The following TOB2 variants were observed in gnomAD, a reference collection of about 807,000 sequenced individuals.
TOB2 encodes the protein protein Tob2.
A neutral mutation model predicts 17.3 loss-of-function variants in TOB2; 3 were observed. That is an observed-to-expected ratio of 0.17 (90% CI 0.08 to 0.45). The LOEUF (loss-of-function observed/expected upper bound fraction) is 0.45. TOB2 is among the 20% of genes least tolerant of loss of function. TOB2 has a pLI of 0.99. For missense variants in TOB2, 407 were observed against 445.7 expected (o/e 0.91, Z 0.78); for synonymous variants, 163 against 185.6 (o/e 0.88, Z 0.99).
intron 1 of TOB2, 125 bp from the exon 2 acceptor site, chr22:41,437,532 T>A: frequency 8.6e-7 from 1 of 1,167,522 alleles, no homozygotes; most frequent in Non-Finnish European, 1.2e-6. Context: ...GCCCCACCAG[T>A]GGCTCATGTC....
At position 41,436,840 on chromosome 22, in the gene TOB2, C is replaced by T. The variant is rs61756341; in HGVS notation, c.506G>A (p.Arg169His). The T allele has an allele frequency of 1.1e-3, 1,816 of 1,613,940 alleles. 7 individuals are homozygous for T. Among genetic ancestry groups the T allele is most frequent in the Middle Eastern group, 4.5e-3 (27 of 6,060 alleles). The stretch of plus-strand genomic sequence containing the variant: ...GGTGAAGGTGATGGGCTGAGCGGAG[C>T]GGGGAATGAAGGTAGGGCTGGGTGA... ...GQSPSPTFIP[R>H]SAQPITFTTA... Residue 169 changes from arginine (R) to histidine (H), a missense_variant, in exon 2 of 2, where the codon CGC becomes CAC. Coordinates refer to ENST00000327492, the MANE Select transcript of TOB2 (RefSeq NM_016272.4). The surrounding 1 kb of genome is among the most constrained non-coding windows in gnomAD (Gnocchi z 4.8).
At position 41,436,925 on chromosome 22, in the gene TOB2, C is replaced by A. The variant is rs772304243; in HGVS notation, c.421G>T (p.Val141Leu). The A allele has an allele frequency of 1.2e-6, 2 of 1,614,160 alleles. No homozygotes were observed. Among genetic ancestry groups the A allele is most frequent in the Admixed American group, 1.7e-5 (1 of 60,014 alleles). The change falls in exon 2 of 2, where the codon GTG (valine) becomes TTG (leucine). Residue 141 changes from valine to leucine, a missense_variant. Val to Leu is a conservative substitution (Grantham distance 32). Coordinates refer to ENST00000327492, the MANE Select transcript of TOB2 (RefSeq NM_016272.4). The surrounding 1 kb of genome is among the most constrained non-coding windows in gnomAD (Gnocchi z 4.8). ...SSFNPDAQVF[V>L]PIGSQDSSLS... is the part of the protein sequence containing the mutation. ...GAGCTGTCCTGGCTGCCAATGGGCA[C>A]GAACACCTGGGCGTCAGGGTTGAAG...
chr22:41,442,313 T>A (rs2037629398), intron 1 of TOB2, among the ~76,000 whole-genome samples: 1 of 152,158 alleles, frequency 6.6e-6, no homozygotes, highest in African/African-American at 2.4e-5. Context: ...TTTCTAAGCC[T>A]CCTCAAACCT....
In TOB2 at chr22:41,436,902, G is replaced by C. The variant is rs777647960; in HGVS notation, c.444C>G (p.Ser148Arg). 7.4e-6 allele frequency: 12 copies of C among 1,614,214 alleles called. No homozygotes were observed. The change falls in exon 2 of 2, where the codon AGC becomes AGG. Residue 148 changes from serine (S) to arginine (R), a missense_variant. By Grantham distance (110) the Ser-to-Arg change is moderately radical. Coordinates refer to ENST00000327492, the MANE Select transcript of TOB2 (RefSeq NM_016272.4). The surrounding 1 kb of genome is among the most constrained non-coding windows in gnomAD (Gnocchi z 4.8). ...ATGGCGATGGGGAGTTGGACAGGGA[G>C]CTGTCCTGGCTGCCAATGGGCACGA... is the stretch of plus-strand genomic sequence containing the variant. ...QVFVPIGSQD[S>R]SLSNSPSPSF...
intron 1 of TOB2, among the ~76,000 whole-genome samples, chr22:41,440,896 T>TG (rs1266380612): frequency 6.6e-6 from 1 of 151,184 alleles, no homozygotes; most frequent in Non-Finnish European, 1.5e-5. Flanking sequence ...TATGTAGAGA[T>TG]GGGGTTTTGC....
intron 1 of TOB2, among the ~76,000 whole-genome samples, chr22:41,445,411 G>C (rs2037672860): frequency 6.6e-6 from 1 of 152,210 alleles, no homozygotes; most frequent in Non-Finnish European, 1.5e-5. Flanking sequence ...GAAAGCAATA[G>C]GATTGTTTTT....
Position 41,437,092 on chromosome 22 carries a change from T to G in TOB2, c.254A>C (p.Asn85Thr). 1 of 1,614,116 alleles carries G rather than the reference T, an allele frequency of 6.2e-7. No homozygotes were observed. The highest frequency in any genetic ancestry group is 1.1e-5 in the South Asian group (1 of 91,088). Reference sequence around the variant, plus strand: ...CCAGACACTCAGCTCCTCAGGCACATTGGCCCGCACATCTTCCACCGCCAG... The same window carrying G: ...CCAGACACTCAGCTCCTCAGGCACAGTGGCCCGCACATCTTCCACCGCCAG... ...SGLAVEDVRA[N>T]VPEELSVWID... The change falls in exon 2 of 2, where the codon AAT (asparagine) becomes ACT (threonine). Residue 85 changes from asparagine to threonine, a missense_variant. By Grantham distance (65) the Asn-to-Thr change is moderately conservative (BLOSUM62 0). Coordinates refer to ENST00000327492, the MANE Select transcript of TOB2 (RefSeq NM_016272.4).
chr22:41,437,084 C>T lies in TOB2; in HGVS notation c.262G>A (p.Glu88Lys). ...AVEDVRANVP[E>K]ELSVWIDPFE... Reference sequence around the variant, plus strand: ...GGATCAATCCAGACACTCAGCTCCTCAGGCACATTGGCCCGCACATCTTCC... The same window carrying T: ...GGATCAATCCAGACACTCAGCTCCTTAGGCACATTGGCCCGCACATCTTCC... Residue 88 changes from glutamate to lysine, a missense_variant, in exon 2 of 2, where the codon GAG (glutamate) becomes AAG (lysine). Physicochemically the swap from Glu to Lys is moderately conservative, Grantham distance 56 (BLOSUM62 1). Transcript: ENST00000327492. The T allele has an allele frequency of 6.2e-7, 1 of 1,614,182 alleles. No homozygotes were observed. Among genetic ancestry groups the T allele is most frequent in the Non-Finnish European group, 8.5e-7 (1 of 1,180,032 alleles).
At chr22:41,437,516 A>C in intron 1 of TOB2, 109 bp from the exon 2 acceptor site, 1 of 1,336,260 alleles carries the variant, frequency 7.5e-7, no homozygotes, top group Non-Finnish European at 9.9e-7. Context: ...CCAGGAGCCT[A>C]TTTCTGCCCC....
chr22:41,435,158 T>G lies in TOB2; in HGVS notation c.*1153A>C, dbSNP rs2037531513. On this transcript the variant is annotated 3_prime_UTR_variant, in exon 2 of 2. Transcript: ENST00000327492. ...AACAGGAGGGTTGAAGTCCAGGGAC[T>G]TCTCATAGGCATCAGGGGCTTGGGT... The G allele has an allele frequency of 6.6e-6, 1 of 152,388 alleles. No homozygotes were observed. Among genetic ancestry groups the G allele is most frequent in the African/African-American group, 2.4e-5 (1 of 41,446 alleles). 9.4% of individuals were successfully genotyped at this position (152,388 alleles called of 1,614,324 possible).
At chr22:41,438,976 A>G (rs2037585597) in intron 1 of TOB2, among the ~76,000 whole-genome samples, 1 of 152,212 alleles carries the variant, frequency 6.6e-6, no homozygotes, top group Non-Finnish European at 1.5e-5. Flanking sequence ...AGGCAGCCCA[A>G]GATAAACACC....
In TOB2 at chr22:41,439,479, TTACGTATGTATG is replaced by T. The variant is rs1427605751; in HGVS notation, c.-62-2084_-62-2073del. ...AAGGGGCATTTAATTTAATTTAATT[TTACGTATGTATG>T]TATGTATGTATGTATGTATGTATGT... On this transcript the variant is annotated intron_variant, in intron 1 of 1. Transcript: ENST00000327492. Among the ~76,000 whole-genome samples the T allele has an allele frequency of 3.6e-5, 5 of 140,106 alleles. No homozygotes were observed. The East Asian group carries it at 8.1e-4, about 23-fold the overall frequency. 91.9% of individuals were successfully genotyped at this position (140,106 alleles called of 152,430 possible). A position where few individuals can be genotyped will look rare whatever the true frequency, so the allele number is the denominator to read the frequency against.
At position 41,436,401 on chromosome 22, in the gene TOB2, C is replaced by T. The variant is rs147107917; in HGVS notation, c.945G>A (p.Glu315=). The T allele has an allele frequency of 5.0e-5, 81 of 1,614,028 alleles. No homozygotes were observed. The highest frequency in any genetic ancestry group is 3.6e-5 in the Non-Finnish European group (43 of 1,179,998). Residue 315 remains glutamate, a synonymous_variant, in exon 2 of 2, where the codon GAG becomes GAA. Coordinates refer to ENST00000327492, the MANE Select transcript of TOB2 (RefSeq NM_016272.4). This position sits in a 1 kb window ranked among gnomAD's most constrained non-coding sequence, Gnocchi z 4.8. ...TGAGGCCTTCCACAAAGGGTGTCTT[C>T]TCCAGGAAGAGGCTGTTGGCACCAC... ...FGGGANSLFL[E]KTPFVEGLSY...
chr22:41,444,188 C>T (rs567607251), intron 1 of TOB2, among the ~76,000 whole-genome samples: 2 of 152,276 alleles, frequency 1.3e-5, no homozygotes, highest in East Asian at 3.9e-4. Flanking sequence ...TGGTGAGACA[C>T]GGGATCCGCC....
chr22:41,446,634 G>T lies in TOB2; in HGVS notation c.-318C>A. On this transcript the variant is annotated 5_prime_UTR_variant, in exon 1 of 2. Transcript: ENST00000327492. ...CCCGAGGGCGGGCGGGCGGACTAGC[G>T]GCGACGACGCGGGGATGGCGGATCG... The T allele has an allele frequency of 6.5e-6, 1 of 152,820 alleles. No homozygotes were observed. The highest frequency in any genetic ancestry group is 1.8e-4 in the South Asian group (1 of 5,514). The allele number at this position is 152,820 out of a possible 1,614,324, so 9.5% of individuals were successfully genotyped here.
At chr22:41,440,324 G>A (rs886747555) in intron 1 of TOB2, among the ~76,000 whole-genome samples, 9 of 149,954 alleles carry the variant, frequency 6.0e-5, no homozygotes, top group South Asian at 2.1e-4. Flanking sequence ...TCCCCATGTT[G>A]GCCAGGATGG....
intron 1 of TOB2, among the ~76,000 whole-genome samples, chr22:41,439,864 G>C (rs2037594392): frequency 6.6e-6 from 1 of 152,146 alleles, no homozygotes. Flanking sequence ...TTTCTGGGGT[G>C]AATGTATCAG....
At chr22:41,441,709 C>T (rs1239263963) in intron 1 of TOB2, among the ~76,000 whole-genome samples, 1 of 151,832 alleles carries the variant, frequency 6.6e-6, no homozygotes, top group African/African-American at 2.4e-5. Flanking sequence ...GTCAGGAGTC[C>T]GAGACCAGCC....
intron 1 of TOB2, 101 bp downstream of exon 1, chr22:41,446,278 G>C (rs1374295867): frequency 6.5e-6 from 1 of 153,014 alleles, no homozygotes; most frequent in Non-Finnish European, 1.5e-5. Context: ...CAGCAACGTG[G>C]AGAGTCCAGC....
Sources: gnomAD v4.1 joint callset for allele counts (sites outside exome capture counted in the v4.1 genomes callset) on GRCh38, gnomAD v4.1.1 for gene constraint, Gnocchi (gnomAD v3.1) non-coding constraint, MANE v1.5 for transcripts, NCBI Gene and HGNC (gene_info 2026-07-23, HGNC 2026-07-21) for gene names.